The following BMPER variants were observed in gnomAD, a reference collection of about 807,000 sequenced individuals.
BMPER encodes the protein BMP binding endothelial regulator.
BMPER carries 45 observed loss-of-function variants against 87.3 expected under a neutral mutation model. That is an observed-to-expected ratio of 0.52 (90% CI 0.41 to 0.66). The LOEUF (loss-of-function observed/expected upper bound fraction) is 0.66, where lower values mean the gene tolerates loss of function less well. Among genes scored for constraint, BMPER ranks in the 30% least tolerant of loss-of-function variants. The pLI is 0.00. For missense variants in BMPER, 784 were observed against 867.5 expected (o/e 0.90, Z 1.21); for synonymous variants, 326 against 316.2 (o/e 1.03, Z -0.33).
At chr7:33,948,934 T>A (rs942692450) in intron 3 of BMPER, among the ~76,000 whole-genome samples, 2 of 146,586 alleles carry the variant, frequency 1.4e-5, no homozygotes, top group African/African-American at 2.5e-5. Context: ...AGAGAGAAAG[T>A]GAGAGAGAGA....
At chr7:33,998,551 G>T (rs556751183) in intron 6 of BMPER, among the ~76,000 whole-genome samples, 2 of 152,316 alleles carry the variant, frequency 1.3e-5, no homozygotes, top group East Asian at 3.9e-4. Context: ...AAGATTTACT[G>T]GGGGCAGATT....
At chr7:34,069,869 C>A (rs1459863412) in intron 11 of BMPER, among the ~76,000 whole-genome samples, 1 of 151,998 alleles carries the variant, frequency 6.6e-6, no homozygotes, top group African/African-American at 2.4e-5. Flanking sequence ...TTTGCATGGC[C>A]CTTTGATGTG....
rs2127914710 is a variant in BMPER, at chr7:33,978,495, T to C, written c.576+3711T>C. On this transcript the variant is annotated intron_variant, in intron 6 of 14. Coordinates refer to ENST00000649409, the MANE Select transcript of BMPER (RefSeq NM_001365308.1). ...GTAAAATTCATACCTCAGAATGTTTTCACTGAAGGAGTGAGAGAACTGAAA... is the reference window on the plus strand; with the variant it reads ...GTAAAATTCATACCTCAGAATGTTTCCACTGAAGGAGTGAGAGAACTGAAA... Among the ~76,000 whole-genome samples the C allele has an allele frequency of 1.3e-5, 2 of 152,314 alleles. 1 individual carries two copies. The highest frequency in any genetic ancestry group is 4.1e-4 in the South Asian group (2 of 4,828).
At chr7:34,070,992 C>T (rs764624782) in intron 11 of BMPER, among the ~76,000 whole-genome samples, 4 of 152,016 alleles carry the variant, frequency 2.6e-5, no homozygotes, top group Admixed American at 6.6e-5. Context: ...TTGTATCTCC[C>T]GAAGCAGCTC....
chr7:33,988,732 A>G (rs996180481), intron 6 of BMPER, among the ~76,000 whole-genome samples: 1 of 150,802 alleles, frequency 6.6e-6, no homozygotes, highest in Non-Finnish European at 1.5e-5. Context: ...GTCATCTAGC[A>G]TTACGTATAT....
At chr7:33,920,114 C>T (rs1784183499) in intron 2 of BMPER, among the ~76,000 whole-genome samples, 1 of 152,170 alleles carries the variant, frequency 6.6e-6, no homozygotes, top group Non-Finnish European at 1.5e-5. Flanking sequence ...TGACAAGGGG[C>T]ACACAATTCT....
At chr7:33,956,924 A>G (rs888468784) in intron 3 of BMPER, among the ~76,000 whole-genome samples, 3 of 152,196 alleles carry the variant, frequency 2.0e-5, no homozygotes, top group African/African-American at 2.4e-5. Flanking sequence ...TCAAGGGTCA[A>G]CTGTAGAGTG....
chr7:34,052,879 C>T (rs934807214), intron 8 of BMPER, among the ~76,000 whole-genome samples: 1 of 152,162 alleles, frequency 6.6e-6, no homozygotes, highest in Non-Finnish European at 1.5e-5. Context: ...TGGAGTAATT[C>T]CTAAGCCTGA....
intron 6 of BMPER, among the ~76,000 whole-genome samples, chr7:33,998,616 G>A (rs755190944): frequency 5.3e-5 from 8 of 152,276 alleles, no homozygotes; most frequent in East Asian, 3.9e-4. Context: ...AACCTCTCCC[G>A]TTCAGTTTCA....
At chr7:33,978,166 A>G (rs986465463) in intron 6 of BMPER, among the ~76,000 whole-genome samples, 2 of 152,170 alleles carry the variant, frequency 1.3e-5, no homozygotes, top group Non-Finnish European at 2.9e-5. Flanking sequence ...GAGGAAGTTC[A>G]TCTCTCTTGC....
chr7:34,122,499 T>C (rs1462209161), intron 13 of BMPER, among the ~76,000 whole-genome samples: 1 of 152,162 alleles, frequency 6.6e-6, no homozygotes, highest in East Asian at 1.9e-4. Flanking sequence ...GACCAGGGGT[T>C]ATAGAGATCA....
upstream of BMPER, among the ~76,000 whole-genome samples, chr7:33,905,306 C>G (rs1562620971): frequency 1.3e-5 from 2 of 151,286 alleles, no homozygotes; most frequent in Non-Finnish European, 2.9e-5. Flanking sequence ...CTCCTGGCCC[C>G]CTCTCCGGCG....
chr7:33,927,919 A>G (rs1225468395), intron 2 of BMPER, among the ~76,000 whole-genome samples: 3 of 152,210 alleles, frequency 2.0e-5, no homozygotes, highest in Non-Finnish European at 4.4e-5. Context: ...CCTTTTGGGC[A>G]GAGGAAGAAG....
intron 3 of BMPER, among the ~76,000 whole-genome samples, chr7:33,940,866 T>TATATTATATATATTTATATATA (rs1554298457): frequency 0.025 from 3,423 of 139,584 alleles, 163 homozygotes; most frequent in African/African-American, 0.087. Flanking sequence ...TTATATATAT[T>TATATTATATATATTTATATATA]ATATTATATA....
At chr7:34,122,669 G>A (rs1338065693) in intron 13 of BMPER, among the ~76,000 whole-genome samples, 1 of 152,178 alleles carries the variant, frequency 6.6e-6, no homozygotes, top group Non-Finnish European at 1.5e-5. Context: ...TGCTCCTTGA[G>A]AATTTTGGTT....
At chr7:34,074,725 AG>A (rs1294285331) in intron 11 of BMPER, among the ~76,000 whole-genome samples, 2 of 152,216 alleles carry the variant, frequency 1.3e-5, no homozygotes, top group African/African-American at 2.4e-5. Context: ...TCTTTGCTGA[AG>A]TAATGGACTA....
chr7:33,906,284 T>C (rs1019013310), intron 1 of BMPER, among the ~76,000 whole-genome samples: 4 of 152,174 alleles, frequency 2.6e-5, no homozygotes, highest in Non-Finnish European at 4.4e-5. Flanking sequence ...TGACACCTGG[T>C]GCAGAAAAGA....
At chr7:34,108,114 G>C (rs369446697) in intron 13 of BMPER, among the ~76,000 whole-genome samples, 6 of 152,338 alleles carry the variant, frequency 3.9e-5, no homozygotes, top group Middle Eastern at 3.4e-3. Flanking sequence ...AGACTTGGTA[G>C]AGATTTGAAA....
At chr7:33,953,328 C>T (rs1190073856) in intron 3 of BMPER, among the ~76,000 whole-genome samples, 1 of 152,212 alleles carries the variant, frequency 6.6e-6, no homozygotes, top group Non-Finnish European at 1.5e-5. Context: ...GTATAATAGT[C>T]ATAAAGACCC....
Sources: allele counts gnomAD v4.1 joint callset (sites outside exome capture counted in the v4.1 genomes callset), GRCh38; gene constraint gnomAD v4.1.1; transcripts MANE v1.5; gene names NCBI Gene and HGNC (gene_info 2026-07-23, HGNC 2026-07-21).